IFI16: variants seen among roughly 807,000 people sequenced by gnomAD.
The protein encoded by IFI16 is gamma-interferon-inducible protein 16.
In IFI16, 49 loss-of-function variants were observed where a neutral mutation model predicts 68.4. That is an observed-to-expected ratio of 0.72 (90% CI 0.57 to 0.91). The LOEUF (loss-of-function observed/expected upper bound fraction) is 0.91, where lower values mean the gene tolerates loss of function less well. Ranked by LOEUF, IFI16 falls within the 40% of genes least tolerant of loss-of-function variation. The probability of loss-of-function intolerance (pLI) is 0.00; values close to 1 mark genes in which losing one functional copy is unlikely to be tolerated. For synonymous variants in IFI16, 307 were observed against 315.0 expected (o/e 0.97, Z 0.27); for missense variants, 878 against 942.9 (o/e 0.93, Z 0.90).
intron 10 of IFI16, chr1:159,052,423 A>G (rs1307717676): frequency 4.7e-6 from 1 of 214,322 alleles, no homozygotes; most frequent in East Asian, 9.9e-5. Flanking sequence ...TATCCTTAGG[A>G]TTTTGTTTCT....
intron 2 of IFI16, among the ~76,000 whole-genome samples, chr1:159,015,394 TTG>T (rs1349968648): frequency 6.6e-6 from 1 of 152,186 alleles, no homozygotes; most frequent in Non-Finnish European, 1.5e-5. Context: ...ATCTCCTCTC[TTG>T]TTATATCAAG....
At position 159,018,351 on chromosome 1, in the gene IFI16, G is replaced by T; in HGVS notation, c.672G>T (p.Glu224Asp). 1.2e-6 allele frequency: 2 copies of T among 1,614,090 alleles called. No individual in the cohort carries two copies. The highest frequency in any genetic ancestry group is 8.5e-7 in the Non-Finnish European group (1 of 1,179,980). ...KPFEYETPEM[E>D]KKIMFHATVA... is the part of the protein sequence containing the mutation. ...TTGAATATGAGACCCCAGAAATGGA[G>T]AAAAAAATAATGTTTCATGCTACAG... Residue 224 changes from glutamate to aspartate, a missense_variant, in exon 5 of 12, where the codon GAG (glutamate) becomes GAT (aspartate). By Grantham distance (45) the Glu-to-Asp change is conservative. Coordinates refer to ENST00000295809, the MANE Select transcript of IFI16 (RefSeq NM_001376587.1).
intron 7 of IFI16, among the ~76,000 whole-genome samples, chr1:159,043,400 A>G (rs1206495507): frequency 6.6e-6 from 1 of 152,204 alleles, no homozygotes; most frequent in African/African-American, 2.4e-5. Flanking sequence ...AATCATTTCT[A>G]CTTGCATAGG....
At chr1:159,028,239 T>G (rs1653789673) in intron 6 of IFI16, among the ~76,000 whole-genome samples, 1 of 152,186 alleles carries the variant, frequency 6.6e-6, no homozygotes, top group African/African-American at 2.4e-5. Flanking sequence ...TTCAAAGAAT[T>G]TTTTAGTTTC....
At chr1:159,015,060 A>G in intron 2 of IFI16, 115 bp downstream of exon 2, 1 of 991,060 alleles carries the variant, frequency 1.0e-6, no homozygotes, top group Non-Finnish European at 1.5e-6. Flanking sequence ...TTTGTGACTC[A>G]ACAGCTGAGA....
intron 1 of IFI16, among the ~76,000 whole-genome samples, chr1:159,010,901 G>A (rs1652508361): frequency 6.6e-6 from 1 of 152,052 alleles, no homozygotes; most frequent in Non-Finnish European, 1.5e-5. Context: ...TTTAAAAGAT[G>A]TTTTCTATAG....
chr1:159,018,086 C>A (rs1006050620), intron 4 of IFI16, 143 bp from the exon 5 acceptor site: 1 of 648,278 alleles, frequency 1.5e-6, no homozygotes, highest in Non-Finnish European at 2.7e-6. Flanking sequence ...TCTGCCCTGG[C>A]TCGCAATCCC....
intron 7 of IFI16, among the ~76,000 whole-genome samples, chr1:159,040,518 T>A (rs1204776752): frequency 6.6e-6 from 1 of 152,260 alleles, no homozygotes; most frequent in Admixed American, 6.5e-5. Flanking sequence ...CAAAAAGTTT[T>A]ATGTTCTAAA....
At chr1:159,017,597 A>G (rs1002107969) in intron 4 of IFI16, among the ~76,000 whole-genome samples, 1 of 99,814 alleles carries the variant, frequency 1.0e-5, no homozygotes, top group African/African-American at 2.7e-5. Context: ...AAATTTATTT[A>G]TTTATTTATT....
At chr1:159,047,810 A>T (rs1286832336) in intron 8 of IFI16, among the ~76,000 whole-genome samples, 1 of 150,424 alleles carries the variant, frequency 6.6e-6, no homozygotes, top group Admixed American at 6.7e-5. Flanking sequence ...TCAAAGCCGG[A>T]AACAGACTAT....
At chr1:159,008,115 A>G (rs1050466057), upstream of IFI16, among the ~76,000 whole-genome samples, 1 of 152,220 alleles carries the variant, frequency 6.6e-6, no homozygotes, top group African/African-American at 2.4e-5. Flanking sequence ...CCAGAAAGGT[A>G]AAATAGTAAG....
upstream of IFI16, among the ~76,000 whole-genome samples, chr1:159,005,184 A>G (rs1652209587): frequency 6.6e-6 from 1 of 152,190 alleles, no homozygotes; most frequent in African/African-American, 2.4e-5. Context: ...TTGGACTTCC[A>G]CCTCAAGTAC....
rs577252209 is a variant in IFI16 at position 159,041,211 on chromosome 1, A to G, written c.1330-4086A>G. ...AAATGGTTAGAAATGGGTTTTCACT[A>G]TTATAATTAATGGTATTCAAAGTAT... is the stretch of plus-strand genomic sequence containing the variant. On this transcript the variant is annotated intron_variant, in intron 7 of 11. Coordinates refer to ENST00000295809, the MANE Select transcript of IFI16 (RefSeq NM_001376587.1). Among the ~76,000 whole-genome samples, 3 of 152,332 alleles carry G rather than the reference A, an allele frequency of 2.0e-5. No individual in the cohort carries two copies. In the East Asian group the frequency reaches 5.8e-4, roughly 29 times the overall value.
rs756463592 is a variant in IFI16 at position 159,022,028 on chromosome 1, A to G, written c.1161+1499A>G. ...GCCCAGGCGGGAGTGCAGTGGCGCT[A>G]TCTCGGCTTACTGCAAGCTCCGCCT... On this transcript the variant is annotated intron_variant, in intron 6 of 11. Transcript: ENST00000295809. 8.7e-5 allele frequency among the ~76,000 whole-genome samples: 11 copies of G among 126,806 alleles called. No individual in the cohort carries two copies. In the Admixed American group the frequency reaches 9.4e-4, roughly 11 times the overall value. 83.2% of individuals were successfully genotyped at this position (126,806 alleles called of 152,430 possible). A position where few individuals can be genotyped will look rare whatever the true frequency, so the allele number is the denominator to read the frequency against.
intron 6 of IFI16, among the ~76,000 whole-genome samples, chr1:159,027,589 A>T (rs1034965580): frequency 6.6e-6 from 1 of 152,132 alleles, no homozygotes; most frequent in African/African-American, 2.4e-5. Context: ...TTGTGAAATA[A>T]TGTCAATAAG....
chr1:159,054,976 T>C lies in IFI16; in HGVS notation c.*75T>C. The C allele has an allele frequency of 1.3e-6, 1 of 765,276 alleles. No individual in the cohort carries two copies. The allele number at this position is 765,276 out of a possible 1,614,324, so 47.4% of individuals were successfully genotyped here. On this transcript the variant is annotated 3_prime_UTR_variant, in exon 12 of 12. Coordinates refer to ENST00000295809, the MANE Select transcript of IFI16 (RefSeq NM_001376587.1). ...CTAAAAAAATGTACATATACCTGGTTGAAATACAACACTATACATACACAC... is the reference window on the plus strand; with the variant it reads ...CTAAAAAAATGTACATATACCTGGTCGAAATACAACACTATACATACACAC...
chr1:159,038,426 G>C (rs564356122), intron 7 of IFI16, among the ~76,000 whole-genome samples: 1 of 152,048 alleles, frequency 6.6e-6, no homozygotes, highest in African/African-American at 2.4e-5. Flanking sequence ...GTGCAGTGGC[G>C]CAATCAAAGC....
chr1:159,018,505 G>A lies in IFI16; in HGVS notation c.826G>A (p.Glu276Lys), dbSNP rs2101823595. 1 of 1,614,062 alleles carries A rather than the reference G, an allele frequency of 6.2e-7. No homozygotes were observed. The highest frequency in any genetic ancestry group is 1.1e-5 in the South Asian group (1 of 91,082). Residue 276 changes from glutamate (E) to lysine (K), a missense_variant, in exon 5 of 12, where the codon GAA becomes AAA. Transcript: ENST00000295809. ...TGATAGTCTCCTAGAGGTCAATGAAGAATCTACTGTATCTGAAGCTGGTCC... is the reference window on the plus strand; with the variant it reads ...TGATAGTCTCCTAGAGGTCAATGAAAAATCTACTGTATCTGAAGCTGGTCC... Reference protein sequence around the residue: ...EYDSLLEVNEESTVSEAGPNQ... With the variant: ...EYDSLLEVNEKSTVSEAGPNQ...
At chr1:159,042,222 A>C (rs530800654) in intron 7 of IFI16, among the ~76,000 whole-genome samples, 3 of 152,296 alleles carry the variant, frequency 2.0e-5, no homozygotes, top group African/African-American at 7.2e-5. Context: ...TTCTCTCACA[A>C]ATTTTGTGTG....
Sources: allele counts gnomAD v4.1 joint callset (sites outside exome capture counted in the v4.1 genomes callset), GRCh38; gene constraint gnomAD v4.1.1; transcripts MANE v1.5; gene names NCBI Gene and HGNC (gene_info 2026-07-23, HGNC 2026-07-21).